The following GAK variants were observed in gnomAD, a reference collection of about 807,000 sequenced individuals.
GAK encodes the protein cyclin G associated kinase.
A neutral mutation model predicts 143.9 loss-of-function variants in GAK; 79 were observed. That is an observed-to-expected ratio of 0.55 (90% confidence interval 0.46 to 0.66). The LOEUF (loss-of-function observed/expected upper bound fraction) is 0.66, where lower values mean the gene tolerates loss of function less well. GAK is among the 30% of genes least tolerant of loss of function. GAK has a pLI of 0.00. For missense variants in GAK, 1,693 were observed against 1,779.7 expected (o/e 0.95, Z 0.88); for synonymous variants, 881 against 765.5 (o/e 1.15, Z -2.49).
intron 11 of GAK, chr4:887,206 C>T (rs1051886923): frequency 2.0e-5 from 3 of 150,912 alleles, no homozygotes; most frequent in African/African-American, 4.9e-5. Flanking sequence ...CGCGCACTCA[C>T]GCGTACACAT....
chr4:868,814 G>T, intron 19 of GAK, 129 bp from the exon 20 acceptor site: 1 of 903,516 alleles, frequency 1.1e-6, no homozygotes, highest in Non-Finnish European at 1.6e-6. Flanking sequence ...CGGTAAAGCA[G>T]ACCAATGACA....
At chr4:920,517 AT>A (rs1723740017) in intron 1 of GAK, among the ~76,000 whole-genome samples, 1 of 149,930 alleles carries the variant, frequency 6.7e-6, no homozygotes, top group African/African-American at 2.5e-5. Context: ...TTCTACCAAA[AT>A]TGTGAAAAAG....
chr4:858,426 C>T (rs890970072), intron 24 of GAK, among the ~76,000 whole-genome samples: 1 of 152,138 alleles, frequency 6.6e-6, no homozygotes, highest in African/African-American at 2.4e-5. Context: ...TGGGAGTCCA[C>T]TCCTTCTGCC....
intron 23 of GAK, among the ~76,000 whole-genome samples, chr4:862,636 C>T (rs1007621791): frequency 4.7e-5 from 7 of 148,370 alleles, no homozygotes; most frequent in Non-Finnish European, 7.4e-5. Context: ...CCAGCCTGGG[C>T]GACAAAGAGA....
intron 23 of GAK, among the ~76,000 whole-genome samples, chr4:861,507 C>T (rs573785169): frequency 1.5e-4 from 23 of 152,242 alleles, no homozygotes; most frequent in African/African-American, 5.5e-4. Flanking sequence ...GGGAGGATCC[C>T]TTGAGCTCAG....
intron 23 of GAK, among the ~76,000 whole-genome samples, chr4:862,418 T>C (rs892962434): frequency 6.6e-6 from 1 of 152,154 alleles, no homozygotes. Flanking sequence ...CCCAGCACTT[T>C]GGGAGGCTGA....
chr4:897,053 A>G (rs1177506104), intron 6 of GAK, among the ~76,000 whole-genome samples: 1 of 152,260 alleles, frequency 6.6e-6, no homozygotes, highest in African/African-American at 2.4e-5. Flanking sequence ...TGCGAGAGGC[A>G]GAGGCTGGGG....
chr4:859,072 G>T (rs1749796173), intron 24 of GAK: 1 of 727,286 alleles, frequency 1.4e-6, no homozygotes, highest in Non-Finnish European at 1.7e-6. Flanking sequence ...TCTTGGGAGT[G>T]AACCCAGAGA....
intron 24 of GAK, 144 bp from the exon 25 acceptor site, chr4:852,118 G>A (rs925282455): frequency 8.1e-6 from 6 of 738,406 alleles, no homozygotes; most frequent in South Asian, 1.6e-5. Flanking sequence ...CAGAGGTGCC[G>A]GCTCCACCCA....
chr4:877,219 A>G lies in GAK; in HGVS notation c.1857-12T>C. 1 of 1,584,810 alleles carries G rather than the reference A, an allele frequency of 6.3e-7. No individual in the cohort carries two copies. Among genetic ancestry groups the G allele is most frequent in the African/African-American group, 1.3e-5 (1 of 74,378 alleles). On this transcript the variant is annotated splice_polypyrimidine_tract_variant and intron_variant, in intron 16 of 27. Transcript: ENST00000314167. ...CAATCTTAAAGTCCCTAAGGACAGA[A>G]TGACAAGAGAAAAATTTTAAAAACC...
At chr4:895,512 C>T (rs1357555462) in intron 7 of GAK, among the ~76,000 whole-genome samples, 1 of 152,352 alleles carries the variant, frequency 6.6e-6, no homozygotes, top group South Asian at 2.1e-4. Flanking sequence ...CCTCAGCCTA[C>T]AGCCCACATA....
chr4:888,541 C>G, intron 11 of GAK: 1 of 361,378 alleles, frequency 2.8e-6, no homozygotes, highest in East Asian at 5.9e-5. Context: ...TTTACAGAGT[C>G]CCGGGAACAA....
intron 5 of GAK, among the ~76,000 whole-genome samples, chr4:904,431 A>G (rs373120530): frequency 0.022 from 2,774 of 124,672 alleles, 1 homozygote; most frequent in Middle Eastern, 0.087. Flanking sequence ...GGCGGCTCCT[A>G]ACCGAGCGGG....
At position 850,251 on chromosome 4, in the gene GAK, A is replaced by G. The variant is rs1747884995; in HGVS notation, c.3658-183T>C. ...CTATATAGAGCCCACTCCGGACGAC[A>G]CAGGGCCAGGTGGTCTTCATGTTTC... On this transcript the variant is annotated intron_variant, in intron 26 of 27. Coordinates refer to ENST00000314167, the MANE Select transcript of GAK (RefSeq NM_005255.4). The G allele has an allele frequency of 5.8e-6, 3 of 513,686 alleles. No homozygotes were observed. The Admixed American group carries it at 1.0e-4, about 18-fold the overall frequency. 31.8% of individuals were successfully genotyped at this position (513,686 alleles called of 1,614,324 possible). A position where few individuals can be genotyped will look rare whatever the true frequency, so the allele number is the denominator to read the frequency against.
intron 4 of GAK, among the ~76,000 whole-genome samples, chr4:909,092 C>A (rs1187489693): frequency 6.6e-6 from 1 of 152,242 alleles, no homozygotes; most frequent in Non-Finnish European, 1.5e-5. Flanking sequence ...AGCGATGCAC[C>A]CGCCTCGGCC....
chr4:928,582 T>G (rs913544940), intron 1 of GAK, among the ~76,000 whole-genome samples: 2 of 152,166 alleles, frequency 1.3e-5, no homozygotes, highest in Admixed American at 6.5e-5. Flanking sequence ...GGGGCCAGCA[T>G]GCGGCCTCCC....
intron 15 of GAK, 75 bp from the exon 16 acceptor site, chr4:877,884 T>A: frequency 7.4e-7 from 1 of 1,355,754 alleles, no homozygotes; most frequent in Non-Finnish European, 9.9e-7. Flanking sequence ...GTCTTTCGAA[T>A]AGAAGTTTTT....
At chr4:893,249 G>T in intron 9 of GAK, 128 bp downstream of exon 9, 1 of 593,784 alleles carries the variant, frequency 1.7e-6, no homozygotes, top group East Asian at 3.3e-5. Flanking sequence ...GTTCACGTGT[G>T]CCTCCCTCCC....
At chr4:855,027 G>C (rs1175034186) in intron 24 of GAK, among the ~76,000 whole-genome samples, 3 of 152,206 alleles carry the variant, frequency 2.0e-5, no homozygotes, top group Non-Finnish European at 2.9e-5. Context: ...CTGGGCGACA[G>C]AGCGAGGCTC....
Sources: gnomAD v4.1 joint callset for allele counts (sites outside exome capture counted in the v4.1 genomes callset) on GRCh38, gnomAD v4.1.1 for gene constraint, MANE v1.5 for transcripts, NCBI Gene and HGNC (gene_info 2026-07-23, HGNC 2026-07-21) for gene names.